The following EML4 variants were observed in gnomAD, a reference collection of about 807,000 sequenced individuals.
The protein encoded by EML4 is echinoderm microtubule-associated protein-like 4.
In EML4, 72 loss-of-function variants were observed where a neutral mutation model predicts 129.0. The observed-to-expected ratio is 0.56, with a 90% CI of 0.46 to 0.68. The LOEUF is 0.68. Ranked by LOEUF, EML4 falls within the 30% of genes least tolerant of loss-of-function variation. The probability of loss-of-function intolerance (pLI) is 0.00; values close to 1 mark genes in which losing one functional copy is unlikely to be tolerated. For missense variants in EML4, 1,363 were observed against 1,190.6 expected (o/e 1.14, Z -2.13); for synonymous variants, 532 against 405.0 (o/e 1.31, Z -3.77).
At chr2:42,289,409 A>T (rs1293209517) in intron 11 of EML4, 1 of 152,208 alleles carries the variant, frequency 6.6e-6, no homozygotes, top group African/African-American at 2.4e-5. Flanking sequence ...TGCTGCTCCC[A>T]TGGCCTCATT....
chr2:42,220,723 T>C (rs1002033098), intron 1 of EML4, among the ~76,000 whole-genome samples: 1 of 152,202 alleles, frequency 6.6e-6, no homozygotes, highest in African/African-American at 2.4e-5. Context: ...TGAGATAGGC[T>C]GAAAGCTAGG....
intron 1 of EML4, among the ~76,000 whole-genome samples, chr2:42,237,902 T>A (rs1291529904): frequency 6.6e-6 from 1 of 152,182 alleles, no homozygotes; most frequent in Non-Finnish European, 1.5e-5. Context: ...TACTTAAGTA[T>A]GAATAAGTTT....
At chr2:42,209,829 T>A (rs981665522) in intron 1 of EML4, among the ~76,000 whole-genome samples, 6 of 152,126 alleles carry the variant, frequency 3.9e-5, no homozygotes, top group Non-Finnish European at 5.9e-5. Context: ...CTTGGGAGGC[T>A]GAGGCAGGAG....
chr2:42,182,927 CTCT>C (rs1671032318), intron 1 of EML4, among the ~76,000 whole-genome samples: 1 of 152,096 alleles, frequency 6.6e-6, no homozygotes, highest in African/African-American at 2.4e-5. Flanking sequence ...TCCAGATTTC[CTCT>C]TCTTATAAGG....
chr2:42,228,324 C>G (rs1033373164), intron 1 of EML4, among the ~76,000 whole-genome samples: 11 of 152,070 alleles, frequency 7.2e-5, no homozygotes, highest in African/African-American at 2.7e-4. Flanking sequence ...CACCCCTAAC[C>G]CCTACATTGC....
In EML4 at chr2:42,259,842, G is replaced by A. The variant is rs189817031; in HGVS notation, c.339-1279G>A. ...CCTCCTGGGTTCACACCATTCTCCT[G>A]CCTCAACCTCCCAAGTAGCTGGGGC... is the stretch of plus-strand genomic sequence containing the variant. On this transcript the variant is annotated intron_variant, in intron 3 of 22. Transcript: ENST00000318522. Among the ~76,000 whole-genome samples, 452 of 145,070 alleles carry A rather than the reference G, an allele frequency of 3.1e-3. 2 individuals are homozygous for A. The highest frequency in any genetic ancestry group is 0.01 in the African/African-American group (398 of 38,898).
Position 42,256,714 on chromosome 2 carries a change from A to G in EML4, c.338+84A>G, listed in dbSNP as rs1572638005. 7.3e-6 allele frequency: 11 copies of G among 1,513,640 alleles called. No individual in the cohort carries two copies. The East Asian group carries it at 2.3e-4, about 31-fold the overall frequency. 93.8% of individuals were successfully genotyped at this position (1,513,640 alleles called of 1,614,324 possible). A position where few individuals can be genotyped will look rare whatever the true frequency, so the allele number is the denominator to read the frequency against. On this transcript the variant is annotated intron_variant, in intron 3 of 22. Coordinates refer to ENST00000318522, the MANE Select transcript of EML4 (RefSeq NM_019063.5). Reference sequence around the variant, plus strand: ...GATCTCCCTTTAGAAAGAATATGAAATAGAGCTGTTTGAATTCAAGTGAGC... The same window carrying G: ...GATCTCCCTTTAGAAAGAATATGAAGTAGAGCTGTTTGAATTCAAGTGAGC...
At chr2:42,286,519 C>T in intron 10 of EML4, 140 bp downstream of exon 10, 1 of 631,496 alleles carries the variant, frequency 1.6e-6, no homozygotes, top group Non-Finnish European at 2.8e-6. Flanking sequence ...AACATATTAG[C>T]TATTGCTAAA....
At chr2:42,173,747 G>A (rs1365364678) in intron 1 of EML4, among the ~76,000 whole-genome samples, 1 of 152,172 alleles carries the variant, frequency 6.6e-6, no homozygotes, top group African/African-American at 2.4e-5. Flanking sequence ...GGGAGGCTGA[G>A]GCAGGAGGAT....
At chr2:42,234,875 G>T (rs922741809) in intron 1 of EML4, among the ~76,000 whole-genome samples, 6 of 152,212 alleles carry the variant, frequency 3.9e-5, no homozygotes, top group African/African-American at 7.2e-5. Flanking sequence ...AATTATCTAG[G>T]CCGGGCACTG....
intron 8 of EML4, 60 bp downstream of exon 8, chr2:42,283,032 T>A (rs1667098615): frequency 6.9e-7 from 1 of 1,454,544 alleles, no homozygotes. Flanking sequence ...TTGTATTTTT[T>A]AAATTTGGGT....
chr2:42,271,361 A>C (rs1666354486), intron 6 of EML4, among the ~76,000 whole-genome samples: 1 of 152,186 alleles, frequency 6.6e-6, no homozygotes, highest in African/African-American at 2.4e-5. Flanking sequence ...TGGTCTCGCC[A>C]TCTGTATTTT....
intron 20 of EML4, among the ~76,000 whole-genome samples, chr2:42,325,803 T>C (rs544131940): frequency 3.3e-5 from 5 of 150,634 alleles, no homozygotes; most frequent in African/African-American, 1.2e-4. Flanking sequence ...AATGAATTAA[T>C]GTTAATAGTG....
intron 2 of EML4, among the ~76,000 whole-genome samples, chr2:42,249,986 T>G (rs1490044207): frequency 6.6e-6 from 1 of 152,192 alleles, no homozygotes; most frequent in Admixed American, 6.5e-5. Context: ...ACTGGAAGTT[T>G]TAGCTGCCAA....
chr2:42,224,798 CATTTT>C (rs1673847979), intron 1 of EML4, among the ~76,000 whole-genome samples: 1 of 152,096 alleles, frequency 6.6e-6, no homozygotes, highest in African/African-American at 2.4e-5. Flanking sequence ...TAAAATTTAT[CATTTT>C]AATCAATTTT....
At chr2:42,318,723 T>C (rs1048466977) in intron 19 of EML4, among the ~76,000 whole-genome samples, 4 of 152,156 alleles carry the variant, frequency 2.6e-5, no homozygotes, top group Non-Finnish European at 5.9e-5. Context: ...TTTTCTGTTT[T>C]TTTAATCTTG....
At position 42,303,353 on chromosome 2, in the gene EML4, C is replaced by T. The variant is rs144949301; in HGVS notation, c.1806C>T (p.Pro602=). 4.8e-4 allele frequency: 769 copies of T among 1,613,968 alleles called. 1 individual carries two copies. Among genetic ancestry groups the T allele is most frequent in the Non-Finnish European group, 5.9e-4 (701 of 1,180,012 alleles). ...TDELWGLATH[P]FKDLLLTCAQ... ...AGCTTTGGGGTCTTGCCACACATCC[C>T]TTCAAAGATTTGCTCTTGACATGTG... The change falls in exon 16 of 23, where the codon CCC becomes CCT. Residue 602 remains proline, a synonymous_variant. Transcript: ENST00000318522.
chr2:42,245,244 A>G (rs1477027255), intron 1 of EML4, among the ~76,000 whole-genome samples: 1 of 151,170 alleles, frequency 6.6e-6, no homozygotes, highest in African/African-American at 2.4e-5. Context: ...ACAGGAGCGC[A>G]TCATCATGCC....
intron 1 of EML4, among the ~76,000 whole-genome samples, chr2:42,210,272 C>A (rs1226273160): frequency 6.6e-6 from 1 of 152,064 alleles, no homozygotes; most frequent in Non-Finnish European, 1.5e-5. Context: ...GTTTTAAGAG[C>A]AGTACTGGTA....
Sources: gnomAD v4.1 joint callset for allele counts (sites outside exome capture counted in the v4.1 genomes callset) on GRCh38, gnomAD v4.1.1 for gene constraint, MANE v1.5 for transcripts, NCBI Gene and HGNC (gene_info 2026-07-23, HGNC 2026-07-21) for gene names.